The following GTF2H3 variants were observed in gnomAD, a reference collection of about 807,000 sequenced individuals.
GTF2H3 encodes general transcription factor IIH subunit 3, also known as TFIIH basal transcription factor complex p34 subunit.
GTF2H3 carries 42 observed loss-of-function variants against 51.1 expected under a neutral mutation model. The observed-to-expected ratio is 0.82, with a 90% CI of 0.64 to 1.06. The LOEUF (loss-of-function observed/expected upper bound fraction) is 1.06, where lower values mean the gene tolerates loss of function less well. Ranked by LOEUF, GTF2H3 falls within the 50% of genes least tolerant of loss-of-function variation. The pLI, the probability that GTF2H3 is intolerant of heterozygous loss-of-function variation, is 0.00. For missense variants in GTF2H3, 326 were observed against 366.1 expected (o/e 0.89, Z 0.89); for synonymous variants, 123 against 123.8 (o/e 0.99, Z 0.04).
intron 10 of GTF2H3, 69 bp from the exon 11 acceptor site, chr12:123,659,707 TGGAGTTCCAAGGCCTAGAA>T: frequency 6.8e-7 from 1 of 1,476,016 alleles, no homozygotes; most frequent in South Asian, 1.2e-5. Context: ...ATGGAGGCCT[TGGAGTTCCAAGGCCTAGAA>T]GGGTGGGCTT....
intron 1 of GTF2H3, 101 bp downstream of exon 1, chr12:123,633,973 C>G (rs1017864215): frequency 7.5e-7 from 1 of 1,332,340 alleles, no homozygotes; most frequent in Non-Finnish European, 1.1e-6. Context: ...GGATAGAATC[C>G]GTTTGGTCTT....
At chr12:123,651,474 G>T (rs1955519761) in intron 5 of GTF2H3, among the ~76,000 whole-genome samples, 2 of 151,794 alleles carry the variant, frequency 1.3e-5, no homozygotes, top group Admixed American at 1.3e-4. Context: ...GCCTCTCAAA[G>T]TGCTGGGATT....
At chr12:123,634,419 C>G (rs1467399299) in intron 1 of GTF2H3, among the ~76,000 whole-genome samples, 1 of 152,080 alleles carries the variant, frequency 6.6e-6, no homozygotes, top group East Asian at 1.9e-4. Context: ...CCAGCATGGC[C>G]GACAGGGCAT....
rs868626110 is a variant in GTF2H3, at chr12:123,648,195, C to T, written c.364+69C>T. ...TTGGAGGTCCTTTAGGCTTTAAGTT[C>T]AAAGATGTGAGGTTCTTTATGTTGT... On this transcript the variant is annotated intron_variant, in intron 4 of 12. Coordinates refer to ENST00000543341, the MANE Select transcript of GTF2H3 (RefSeq NM_001516.5). 1.4e-4 allele frequency: 145 copies of T among 1,034,304 alleles called. 1 individual carries two copies. In the African/African-American group the frequency reaches 2.1e-3, roughly 15 times the overall value. 64.1% of individuals were successfully genotyped at this position (1,034,304 alleles called of 1,614,324 possible).
At chr12:123,639,010 T>C (rs538190171) in intron 1 of GTF2H3, among the ~76,000 whole-genome samples, 6 of 151,504 alleles carry the variant, frequency 4.0e-5, no homozygotes, top group Non-Finnish European at 7.4e-5. Context: ...TTAGCCAGGA[T>C]GGTCTCGATC....
intron 7 of GTF2H3, 50 bp from the exon 8 acceptor site, chr12:123,654,874 G>A: frequency 8.1e-7 from 1 of 1,231,372 alleles, no homozygotes; most frequent in Non-Finnish European, 1.2e-6. Flanking sequence ...ACATTGGTGT[G>A]AGAGGACTGG....
intron 1 of GTF2H3, among the ~76,000 whole-genome samples, chr12:123,637,133 T>G (rs915194520): frequency 6.6e-6 from 1 of 152,166 alleles, no homozygotes; most frequent in African/African-American, 2.4e-5. Context: ...TTCATAACAG[T>G]GTATACTCAC....
intron 11 of GTF2H3, 39 bp downstream of exon 11, chr12:123,659,969 T>TG (rs1339303967): frequency 6.2e-7 from 1 of 1,605,600 alleles, no homozygotes; most frequent in South Asian, 1.1e-5. Context: ...TTTTCTATGT[T>TG]GGGGGGCAGG....
intron 9 of GTF2H3, among the ~76,000 whole-genome samples, chr12:123,656,569 C>G (rs1440328448): frequency 6.6e-6 from 1 of 152,142 alleles, no homozygotes; most frequent in African/African-American, 2.4e-5. Flanking sequence ...CAGCCGTGTA[C>G]GTAGTACCTC....
chr12:123,656,981 G>A (rs1343619031), intron 9 of GTF2H3, among the ~76,000 whole-genome samples: 2 of 152,042 alleles, frequency 1.3e-5, no homozygotes, highest in Admixed American at 6.6e-5. Flanking sequence ...TCAGCTGTTC[G>A]GGAGGTGGAG....
chr12:123,656,570 G>A (rs1458794321), intron 9 of GTF2H3, among the ~76,000 whole-genome samples: 3 of 152,090 alleles, frequency 2.0e-5, no homozygotes, highest in African/African-American at 4.8e-5. Flanking sequence ...AGCCGTGTAC[G>A]TAGTACCTCC....
At position 123,645,413 on chromosome 12, in the gene GTF2H3, G is replaced by A. The variant is rs764332887; in HGVS notation, c.94-42G>A. ...TGTCAAGACCTGACATGGTTATTTGGATAGCTAATTTGTTTTTCTAATGTC... is the reference window on the plus strand; with the variant it reads ...TGTCAAGACCTGACATGGTTATTTGAATAGCTAATTTGTTTTTCTAATGTC... On this transcript the variant is annotated intron_variant, in intron 2 of 12. Coordinates refer to ENST00000543341, the MANE Select transcript of GTF2H3 (RefSeq NM_001516.5). 4.9e-6 allele frequency: 5 copies of A among 1,024,808 alleles called. No homozygotes were observed. The South Asian group carries it at 6.4e-5, about 13-fold the overall frequency. 63.5% of individuals were successfully genotyped at this position (1,024,808 alleles called of 1,614,324 possible). A position where few individuals can be genotyped will look rare whatever the true frequency, so the allele number is the denominator to read the frequency against.
rs1955668339 is a variant in GTF2H3, at chr12:123,662,334, C to T, written c.*2099C>T. ...ACAAATATACAAAGACTTTGGTGAT[C>T]ACTTTGCAAATATTTGTTAATCCTT... is the stretch of plus-strand genomic sequence containing the variant. On this transcript the variant is annotated 3_prime_UTR_variant, in exon 13 of 13. Transcript: ENST00000543341. 1 of 152,034 alleles carries T rather than the reference C, an allele frequency of 6.6e-6. No individual in the cohort carries two copies. The highest frequency in any genetic ancestry group is 6.6e-5 in the Admixed American group (1 of 15,258). 9.4% of individuals were successfully genotyped at this position (152,034 alleles called of 1,614,324 possible). A position where few individuals can be genotyped will look rare whatever the true frequency, so the allele number is the denominator to read the frequency against.
chr12:123,638,020 C>T (rs746510751), intron 1 of GTF2H3, among the ~76,000 whole-genome samples: 1 of 151,980 alleles, frequency 6.6e-6, no homozygotes, highest in Admixed American at 6.6e-5. Context: ...TGTTTCCAGA[C>T]GGGGTCTCAT....
intron 2 of GTF2H3, 52 bp downstream of exon 2, chr12:123,639,395 A>G: frequency 1.2e-6 from 1 of 867,414 alleles, no homozygotes. Flanking sequence ...CTGAGTGTTT[A>G]TATTGCTTTT....
chr12:123,647,178 G>C (rs950793896), intron 3 of GTF2H3, among the ~76,000 whole-genome samples: 6 of 139,380 alleles, frequency 4.3e-5, no homozygotes, highest in African/African-American at 1.6e-4. Flanking sequence ...AAAAAGTCAC[G>C]AAGTCACGAG....
At chr12:123,654,738 C>T (rs1476140534) in intron 7 of GTF2H3, among the ~76,000 whole-genome samples, 186 bp from the exon 8 acceptor site, 1 of 151,992 alleles carries the variant, frequency 6.6e-6, no homozygotes, top group East Asian at 1.9e-4. Flanking sequence ...TTCATCAAAC[C>T]GTTACGTGGA....
At chr12:123,640,660 G>C (rs1955357664) in intron 2 of GTF2H3, among the ~76,000 whole-genome samples, 2 of 152,012 alleles carry the variant, frequency 1.3e-5, no homozygotes, top group African/African-American at 4.8e-5. Flanking sequence ...TTTAATGACA[G>C]GTTAGCTGTT....
At position 123,648,017 on chromosome 12, in the gene GTF2H3, T is replaced by C. The variant is rs1382302505; in HGVS notation, c.255T>C (p.Pro85=). ...NGRLGDFFGD[P]GNPPEFNPSG... ...GACTTGGAGACTTCTTCGGAGACCC[T>C]GGCAACCCTCCTGAATTTAATCCCT... The change falls in exon 4 of 13, where the codon CCT becomes CCC. Residue 85 remains proline, a synonymous_variant. Transcript: ENST00000543341. 6.2e-7 allele frequency: 1 copy of C among 1,613,050 alleles called. No homozygotes were observed.
Sources: allele counts gnomAD v4.1 joint callset (sites outside exome capture counted in the v4.1 genomes callset), GRCh38; gene constraint gnomAD v4.1.1; transcripts MANE v1.5; gene names NCBI Gene and HGNC (gene_info 2026-07-23, HGNC 2026-07-21).